Variants in HMCN2 observed in about 807,000 individuals in gnomAD.
HMCN2 encodes the protein hemicentin 2.
A neutral mutation model predicts 377.5 loss-of-function variants in HMCN2; 325 were observed. The ratio of observed to expected loss-of-function variants is 0.86; its 90% CI spans 0.79 to 0.94. HMCN2 has a LOEUF of 0.94. Ranked by LOEUF, HMCN2 falls within the 40% of genes least tolerant of loss-of-function variation. The pLI is 0.00. For synonymous variants in HMCN2, 2,007 were observed against 2,046.8 expected (o/e 0.98, Z 0.53); for missense variants, 4,543 against 4,725.3 (o/e 0.96, Z 1.13).
rs577474338 is a variant in HMCN2, at chr9:130,359,322, C to T, written c.5681C>T (p.Pro1894Leu). Residue 1894 changes from proline (P) to leucine (L), a missense_variant, in exon 37 of 98, where the codon CCC becomes CTC. By Grantham distance (98) the Pro-to-Leu change is moderately conservative. Coordinates refer to ENST00000683500, the MANE Select transcript of HMCN2 (RefSeq NM_001291815.2). Reference sequence around the variant, plus strand: ...GTCTCTCCTTGTCTCCCCCTAGTGCCCCCCAACATCGAGCCAGGCCCAGTC... The same window carrying T: ...GTCTCTCCTTGTCTCCCCCTAGTGCTCCCCAACATCGAGCCAGGCCCAGTC... ...KREVALKVLV[P>L]PNIEPGPVNK... 5.4e-6 allele frequency: 7 copies of T among 1,302,148 alleles called. No individual in the cohort carries two copies. The East Asian group carries it at 2.2e-4, about 41-fold the overall frequency. The allele number at this position is 1,302,148 out of a possible 1,614,324, so 80.7% of individuals were successfully genotyped here.
intron 82 of HMCN2, 196 bp from the exon 83 acceptor site, chr9:130,407,375 A>C: frequency 2.8e-6 from 1 of 353,046 alleles, no homozygotes; most frequent in Non-Finnish European, 5.3e-6. Context: ...GCACTGGAAG[A>C]TGGTAGAAGG....
intron 53 of HMCN2, among the ~76,000 whole-genome samples, chr9:130,378,974 C>A (rs1248821319): frequency 6.6e-6 from 1 of 152,188 alleles, no homozygotes; most frequent in Non-Finnish European, 1.5e-5. Context: ...TGGCTTCCAA[C>A]TGTGAAAAAT....
rs1837874930 is a variant in HMCN2, at chr9:130,321,938, CCT to C, written c.2920+8_2920+9del. On this transcript the variant is annotated splice_region_variant and intron_variant, in intron 19 of 97. Coordinates refer to ENST00000683500, the MANE Select transcript of HMCN2 (RefSeq NM_001291815.2). ...GTGGAGCTGGTGGTCCAGGGTGAGT[CCT>C]GGGGTCTCGGAGGTGGTGGTCGTGG... The C allele has an allele frequency of 6.6e-6, 1 of 151,698 alleles. No individual in the cohort carries two copies. 9.4% of individuals were successfully genotyped at this position (151,698 alleles called of 1,614,324 possible). A position where few individuals can be genotyped will look rare whatever the true frequency, so the allele number is the denominator to read the frequency against.
intron 79 of HMCN2, 22 bp downstream of exon 79, chr9:130,403,350 C>A: frequency 7.8e-7 from 1 of 1,289,406 alleles, no homozygotes; most frequent in Non-Finnish European, 1.0e-6. Context: ...TGGCAGCCAG[C>A]CTGGGAAGGG....
intron 90 of HMCN2, among the ~76,000 whole-genome samples, chr9:130,426,407 G>A (rs1243513168): frequency 6.6e-6 from 1 of 152,252 alleles, no homozygotes; most frequent in East Asian, 1.9e-4. Flanking sequence ...GAGAGACAGT[G>A]CTAAGAGCAC....
In HMCN2 at chr9:130,293,496, A is replaced by G. The variant is rs528403295; in HGVS notation, c.613-1359A>G. On this transcript the variant is annotated intron_variant, in intron 4 of 97. Coordinates refer to ENST00000683500, the MANE Select transcript of HMCN2 (RefSeq NM_001291815.2). ...CTGGAAAGAGAAGGTCCAGACTTGAAGGGGCTCCCTTCCTCTCCCTCTGTC... is the reference window on the plus strand; with the variant it reads ...CTGGAAAGAGAAGGTCCAGACTTGAGGGGGCTCCCTTCCTCTCCCTCTGTC... 3.9e-5 allele frequency among the ~76,000 whole-genome samples: 6 copies of G among 152,024 alleles called. No individual in the cohort carries two copies. In the South Asian group the frequency reaches 1.3e-3, roughly 32 times the overall value.
intron 31 of HMCN2, among the ~76,000 whole-genome samples, chr9:130,354,522 A>G (rs2131537102): frequency 6.6e-6 from 1 of 152,284 alleles, no homozygotes; most frequent in South Asian, 2.1e-4. Context: ...TTGCCGGGGT[A>G]GCAGCGGGGA....
intron 1 of HMCN2, among the ~76,000 whole-genome samples, chr9:130,269,649 T>C (rs1381769438): frequency 6.7e-6 from 1 of 148,950 alleles, no homozygotes; most frequent in East Asian, 1.9e-4. Context: ...TGAGGTTCAA[T>C]ATGTCTTTCA....
At position 130,433,888 on chromosome 9, in the gene HMCN2, G is replaced by A. The variant is rs940414198; in HGVS notation, c.*195G>A. 1 of 520,072 alleles carries A rather than the reference G, an allele frequency of 1.9e-6. No homozygotes were observed. The highest frequency in any genetic ancestry group is 3.3e-5 in the South Asian group (1 of 30,322). The allele number at this position is 520,072 out of a possible 1,614,324, so 32.2% of individuals were successfully genotyped here. Reference sequence around the variant, plus strand: ...GCGAGGACCTGACCTCACAGAGGGAGGCGTCCAGGGCGGCCCTTGGGTGGC... The same window carrying A: ...GCGAGGACCTGACCTCACAGAGGGAAGCGTCCAGGGCGGCCCTTGGGTGGC... On this transcript the variant is annotated 3_prime_UTR_variant, in exon 98 of 98. Coordinates refer to ENST00000683500, the MANE Select transcript of HMCN2 (RefSeq NM_001291815.2).
intron 1 of HMCN2, among the ~76,000 whole-genome samples, chr9:130,280,117 G>A (rs1265897600): frequency 1.3e-5 from 2 of 151,046 alleles, no homozygotes; most frequent in East Asian, 2.0e-4. Flanking sequence ...CTTGGATTTA[G>A]GACTGCTGGC....
intron 85 of HMCN2, among the ~76,000 whole-genome samples, chr9:130,412,424 G>A (rs982520906): frequency 6.6e-6 from 1 of 152,108 alleles, no homozygotes; most frequent in Non-Finnish European, 1.5e-5. Flanking sequence ...TGGTGACTTT[G>A]AAGAGCAAAA....
In HMCN2 at chr9:130,351,983, T is replaced by A. The variant is rs12377717; in HGVS notation, c.4585+406T>A. 0.27 allele frequency among the ~76,000 whole-genome samples: 41,065 copies of A among 151,760 alleles called. 5,888 individuals are homozygous for A. The highest frequency in any genetic ancestry group is 0.41 in the East Asian group (2,106 of 5,140). Reference sequence around the variant, plus strand: ...CCCACCACCACACCCAGTTCATTTTTGTATTTTTAGTAGAGGTGGGGTTTC... The same window carrying A: ...CCCACCACCACACCCAGTTCATTTTAGTATTTTTAGTAGAGGTGGGGTTTC... On this transcript the variant is annotated intron_variant, in intron 30 of 97. Transcript: ENST00000683500. This position sits in a 1 kb window ranked among gnomAD's most constrained non-coding sequence, Gnocchi z 5.4.
Position 130,309,973 on chromosome 9 carries a change from G to T in HMCN2, c.2262G>T (p.Ala754=), listed in dbSNP as rs531055176. The change falls in exon 15 of 98, where the codon GCG becomes GCT. Residue 754 remains alanine, a synonymous_variant. Transcript: ENST00000683500. ...GCTCTGGGAAGCTGCGGATCCCGGC[G>T]GCTCAGGAGAGGGATGCTGGCACCT... ...GSSSGKLRIP[A]AQERDAGTYT... The T allele has an allele frequency of 1.9e-6, 1 of 531,688 alleles. No individual in the cohort carries two copies. Among genetic ancestry groups the T allele is most frequent in the Non-Finnish European group, 3.9e-6 (1 of 258,858 alleles). 32.9% of individuals were successfully genotyped at this position (531,688 alleles called of 1,614,324 possible). A position where few individuals can be genotyped will look rare whatever the true frequency, so the allele number is the denominator to read the frequency against.
chr9:130,284,550 C>A, intron 1 of HMCN2, 53 bp from the exon 2 acceptor site: 1 of 470,490 alleles, frequency 2.1e-6, no homozygotes, highest in Non-Finnish European at 4.4e-6. Flanking sequence ...GCCCACCGGG[C>A]TGTGTGTCTA....
chr9:130,334,728 CTT>C (rs1838631405), intron 22 of HMCN2, among the ~76,000 whole-genome samples: 1 of 146,104 alleles, frequency 6.8e-6, no homozygotes, highest in South Asian at 2.3e-4. Flanking sequence ...TCTCTTCTCT[CTT>C]TCTCTCTCTT....
At position 130,424,903 on chromosome 9, in the gene HMCN2, G is replaced by C; in HGVS notation, c.13509G>C (p.Glu4503Asp). The change falls in exon 88 of 98, where the codon GAG becomes GAC. Residue 4503 changes from glutamate (E) to aspartate (D), a missense_variant. Glu to Asp is a conservative substitution (Grantham distance 45, BLOSUM62 2). Around this residue, in one of 5 missense-constraint regions of HMCN2, gnomAD observed 1,155 missense variants for 1,157.7 expected, o/e 1.00. Transcript: ENST00000683500. Reference sequence around the variant, plus strand: ...GGTTCCGGCAGGAGTCACACGTGGAGTTTGCTACAGGTAAACAGGGCCTCC... The same window carrying C: ...GGTTCCGGCAGGAGTCACACGTGGACTTTGCTACAGGTAAACAGGGCCTCC... ...GGRFRQESHV[E>D]FATGELLTMT... 1 of 1,461,396 alleles carries C rather than the reference G, an allele frequency of 6.8e-7. No homozygotes were observed. Among genetic ancestry groups the C allele is most frequent in the South Asian group, 1.4e-5 (1 of 70,108 alleles). The allele number at this position is 1,461,396 out of a possible 1,614,324, so 90.5% of individuals were successfully genotyped here. A position where few individuals can be genotyped will look rare whatever the true frequency, so the allele number is the denominator to read the frequency against.
chr9:130,383,497 C>G lies in HMCN2; in HGVS notation c.8734-7C>G. Reference sequence around the variant, plus strand: ...TATCTCCCAGGCATGGCTCCCTGCACCCACAGGTTTCCACGGCAGAGGTGG... The same window carrying G: ...TATCTCCCAGGCATGGCTCCCTGCAGCCACAGGTTTCCACGGCAGAGGTGG... On this transcript the variant is annotated splice_polypyrimidine_tract_variant and splice_region_variant and intron_variant, in intron 56 of 97. Transcript: ENST00000683500. The G allele has an allele frequency of 2.0e-6, 2 of 985,838 alleles. No homozygotes were observed. Among genetic ancestry groups the G allele is most frequent in the Non-Finnish European group, 1.2e-6 (1 of 829,900 alleles). The allele number at this position is 985,838 out of a possible 1,614,324, so 61.1% of individuals were successfully genotyped here.
At position 130,277,715 on chromosome 9, in the gene HMCN2, TCAC is replaced by T. The variant is rs879961063; in HGVS notation, c.260-6873_260-6871del. 7.3e-3 allele frequency among the ~76,000 whole-genome samples: 1,040 copies of T among 143,442 alleles called. 16 individuals carry two copies. The highest frequency in any genetic ancestry group is 0.01 in the Non-Finnish European group (660 of 64,888). 94.1% of individuals were successfully genotyped at this position (143,442 alleles called of 152,430 possible). On this transcript the variant is annotated intron_variant, in intron 1 of 97. Transcript: ENST00000683500. The stretch of plus-strand genomic sequence containing the variant: ...ATCATCACCACCACCACCATCATCA[TCAC>T]CACCACCACCACCATCATCATCACC...
In HMCN2 at chr9:130,398,706, C is replaced by G. The variant is rs1458865942; in HGVS notation, c.11482C>G (p.Arg3828Gly). 2 of 1,289,094 alleles carry G rather than the reference C, an allele frequency of 1.6e-6. No homozygotes were observed. Among genetic ancestry groups the G allele is most frequent in the Non-Finnish European group, 2.0e-6 (2 of 988,410 alleles). The allele number at this position is 1,289,094 out of a possible 1,614,324, so 79.9% of individuals were successfully genotyped here. A position where few individuals can be genotyped will look rare whatever the true frequency, so the allele number is the denominator to read the frequency against. Residue 3828 changes from arginine to glycine, a missense_variant and splice_region_variant, in exon 75 of 98, where the codon CGG becomes GGG. Coordinates refer to ENST00000683500, the MANE Select transcript of HMCN2 (RefSeq NM_001291815.2). ...LDFRLQQGAY[R>G]LLPSNALLLT... ...CTTCCGCCTGCAGCAGGGCGCCTAC[C>G]GGTAACGAGCTGGACTTTGCGGTGG...
Sources: allele counts gnomAD v4.1 joint callset (sites outside exome capture counted in the v4.1 genomes callset), GRCh38; gene constraint gnomAD v4.1.1; regional missense constraint gnomAD v4.1.1; non-coding constraint Gnocchi (gnomAD v3.1); transcripts MANE v1.5; gene names NCBI Gene and HGNC (gene_info 2026-07-23, HGNC 2026-07-21).